DPP6: variants seen among roughly 807,000 people sequenced by gnomAD.
The protein encoded by DPP6 is A-type potassium channel modulatory protein DPP6.
In DPP6, 69 loss-of-function variants were observed where a neutral mutation model predicts 122.6. That is an observed-to-expected ratio of 0.56 (90% CI 0.46 to 0.69). The LOEUF is 0.69. DPP6 is among the 30% of genes least tolerant of loss of function. The probability of loss-of-function intolerance (pLI) is 0.00; values close to 1 mark genes in which losing one functional copy is unlikely to be tolerated. For missense variants in DPP6, 928 were observed against 1,116.9 expected, an observed-to-expected ratio of 0.83 and a Z score of 2.41; for synonymous variants, 418 against 433.1, an observed-to-expected ratio of 0.97 and a Z score of 0.43.
the DPP6 span, among the ~76,000 whole-genome samples, chr7:153,813,611 A>G: frequency 6.6e-6 from 1 of 152,076 alleles, no homozygotes; most frequent in East Asian, 1.9e-4. Context: ...ACTGACTTCC[A>G]CAAGGGTTGA....
At chr7:153,971,860 T>C (rs1211461707) in intron 1 of DPP6, among the ~76,000 whole-genome samples, 1 of 144,750 alleles carries the variant, frequency 6.9e-6, no homozygotes, top group African/African-American at 2.6e-5. Flanking sequence ...CTGGGCTTTG[T>C]GTCCTCAGTT....
At chr7:154,751,443 T>C (rs887538352) in intron 8 of DPP6, among the ~76,000 whole-genome samples, 1 of 118,986 alleles carries the variant, frequency 8.4e-6, no homozygotes, top group African/African-American at 3.3e-5. Flanking sequence ...CTCCTAAAAA[T>C]ACAAAAAAAA....
chr7:153,866,566 T>G, the DPP6 span, among the ~76,000 whole-genome samples: 90 of 152,270 alleles, frequency 5.9e-4, no homozygotes, highest in African/African-American at 1.9e-3. Flanking sequence ...GTCAGATGAG[T>G]AGGTTGCAAA....
chr7:153,772,123 G>A, the DPP6 span, among the ~76,000 whole-genome samples: 2 of 152,110 alleles, frequency 1.3e-5, no homozygotes, highest in Non-Finnish European at 2.9e-5. Context: ...TCACTCTGTT[G>A]CCCGGGCTGG....
chr7:154,091,796 A>G (rs1262622203), intron 1 of DPP6, among the ~76,000 whole-genome samples: 1 of 152,016 alleles, frequency 6.6e-6, no homozygotes, highest in African/African-American at 2.4e-5. Flanking sequence ...AGACCGGGTC[A>G]GTAACGCAAG....
At chr7:154,115,086 C>T (rs1806883115) in intron 1 of DPP6, among the ~76,000 whole-genome samples, 1 of 152,226 alleles carries the variant, frequency 6.6e-6, no homozygotes, top group African/African-American at 2.4e-5. Flanking sequence ...CAAGGACCAG[C>T]TCTCTCGGGC....
At chr7:154,811,333 C>T (rs1421577579) in intron 16 of DPP6, among the ~76,000 whole-genome samples, 2 of 152,192 alleles carry the variant, frequency 1.3e-5, no homozygotes, top group Admixed American at 6.5e-5. Flanking sequence ...GAAGCTGAGC[C>T]TCGTCCTGCC....
At chr7:154,373,357 A>G (rs1408977130) in intron 1 of DPP6, among the ~76,000 whole-genome samples, 3 of 152,178 alleles carry the variant, frequency 2.0e-5, no homozygotes, top group African/African-American at 7.2e-5. Context: ...ACTCAATTAG[A>G]TCCCCATGAC....
chr7:154,082,275 C>T (rs1010150981), intron 1 of DPP6, among the ~76,000 whole-genome samples: 1 of 152,108 alleles, frequency 6.6e-6, no homozygotes, highest in Non-Finnish European at 1.5e-5. Flanking sequence ...TTTTATATCT[C>T]TTCTACATTC....
chr7:154,450,793 TG>T (rs1586309604), intron 2 of DPP6, among the ~76,000 whole-genome samples: 2 of 152,196 alleles, frequency 1.3e-5, no homozygotes, highest in East Asian at 3.9e-4. Context: ...CTCACACAGC[TG>T]GGGACTTTAA....
At chr7:154,113,414 C>T (rs61371982) in intron 1 of DPP6, among the ~76,000 whole-genome samples, 13,739 of 119,212 alleles carry the variant, frequency 0.12, 408 homozygotes, top group African/African-American at 0.21. Flanking sequence ...TATATATATA[C>T]ACACACACAC....
In DPP6 at chr7:154,461,629, C is replaced by T. The variant is rs111963917; in HGVS notation, c.359-13310C>T. 8.3e-3 allele frequency among the ~76,000 whole-genome samples: 1,269 copies of T among 152,272 alleles called. 12 individuals are homozygous for T. The highest frequency in any genetic ancestry group is 0.029 in the African/African-American group (1,191 of 41,542). On this transcript the variant is annotated intron_variant, in intron 2 of 25. Coordinates refer to ENST00000377770, the MANE Select transcript of DPP6 (RefSeq NM_130797.4). Reference sequence around the variant, plus strand: ...TTTTCTGATGATCAATGATGTTGAGCACCTTTTCATATACCTGTTTACCAT... The same window carrying T: ...TTTTCTGATGATCAATGATGTTGAGTACCTTTTCATATACCTGTTTACCAT...
Position 154,060,417 on chromosome 7 carries a change from G to C in DPP6, c.243+7354G>C, listed in dbSNP as rs371023054. On this transcript the variant is annotated intron_variant, in intron 1 of 25. Transcript: ENST00000377770. ...TAGGACCCCCATCGCAGAGGGGGGAGGCACCCCCCGCGAGGCGGGGACTGC... is the reference window on the plus strand; with the variant it reads ...TAGGACCCCCATCGCAGAGGGGGGACGCACCCCCCGCGAGGCGGGGACTGC... Among the ~76,000 whole-genome samples, 145 of 131,082 alleles carry C rather than the reference G, an allele frequency of 1.1e-3. 11 individuals carry two copies. The highest frequency in any genetic ancestry group is 3.2e-3 in the Admixed American group (44 of 13,868). The allele number at this position is 131,082 out of a possible 152,430, so 86.0% of individuals were successfully genotyped here. A position where few individuals can be genotyped will look rare whatever the true frequency, so the allele number is the denominator to read the frequency against.
chr7:154,645,551 ATCTGGG>A (rs1465024714), intron 6 of DPP6, among the ~76,000 whole-genome samples: 2 of 152,082 alleles, frequency 1.3e-5, no homozygotes, highest in African/African-American at 4.8e-5. Flanking sequence ...AGTCAAGGAG[ATCTGGG>A]CGTAAATCCC....
chr7:154,747,738 G>A (rs1843101798), intron 8 of DPP6, among the ~76,000 whole-genome samples: 1 of 152,154 alleles, frequency 6.6e-6, no homozygotes, highest in South Asian at 2.1e-4. Context: ...CCCACCCAGA[G>A]TAAGGAAGAC....
rs1239791816 is a variant in DPP6, at chr7:154,282,676, G to A, written c.244-163538G>A. Among the ~76,000 whole-genome samples, 2 of 152,216 alleles carry A rather than the reference G, an allele frequency of 1.3e-5. No homozygotes were observed. The highest frequency in any genetic ancestry group is 2.9e-5 in the Non-Finnish European group (2 of 68,036). ...TGCTTACTTGAAAGGAATTTGCACA[G>A]AGTGGTTTGTTTATACTAGTTAGGC... is the stretch of plus-strand genomic sequence containing the variant. On this transcript the variant is annotated intron_variant, in intron 1 of 25. Coordinates refer to ENST00000377770, the MANE Select transcript of DPP6 (RefSeq NM_130797.4). The surrounding 1 kb of genome is among the most constrained non-coding windows in gnomAD (Gnocchi z 4.8).
chr7:154,558,280 T>A (rs1830185454), intron 4 of DPP6, among the ~76,000 whole-genome samples: 1 of 152,174 alleles, frequency 6.6e-6, no homozygotes, highest in South Asian at 2.1e-4. Context: ...GACCTTTATA[T>A]GTGAATAATG....
intron 1 of DPP6, among the ~76,000 whole-genome samples, chr7:154,181,708 A>C (rs574178457): frequency 2.6e-3 from 399 of 151,454 alleles, no homozygotes; most frequent in Non-Finnish European, 3.8e-3. Context: ...CCATTTTAAA[A>C]ACACTTGAGG....
chr7:153,785,918 G>A, the DPP6 span, among the ~76,000 whole-genome samples: 1,852 of 149,330 alleles, frequency 0.012, 42 homozygotes, highest in African/African-American at 0.044. Context: ...ATCTTCAGTC[G>A]AATAGTAGAA....
Sources: gnomAD v4.1 joint callset for allele counts (sites outside exome capture counted in the v4.1 genomes callset) on GRCh38, gnomAD v4.1.1 for gene constraint, Gnocchi (gnomAD v3.1) non-coding constraint, MANE v1.5 for transcripts, NCBI Gene and HGNC (gene_info 2026-07-23, HGNC 2026-07-21) for gene names.